The following B3GNT3 variants were observed in gnomAD, a reference collection of about 807,000 sequenced individuals.
B3GNT3 encodes the protein N-acetyllactosaminide beta-1,3-N-acetylglucosaminyltransferase 3.
B3GNT3 carries 7 observed loss-of-function variants against 11.6 expected under a neutral mutation model. The ratio of observed to expected loss-of-function variants is 0.60; its 90% CI spans 0.34 to 1.13. The LOEUF (loss-of-function observed/expected upper bound fraction) is 1.13, where lower values mean the gene tolerates loss of function less well. B3GNT3 is among the 50% of genes most tolerant of loss of function. The pLI is 0.03. For synonymous variants in B3GNT3, 201 were observed against 222.1 expected (o/e 0.90, Z 0.85); for missense variants, 400 against 507.4 (o/e 0.79, Z 2.03).
intron 1 of B3GNT3, among the ~76,000 whole-genome samples, chr19:17,801,077 C>G (rs1187023506): frequency 6.6e-6 from 1 of 152,082 alleles, no homozygotes; most frequent in Admixed American, 6.6e-5. Context: ...CAACTTGCAA[C>G]TTTTCATTAT....
chr19:17,803,491 G>T (rs759651639), intron 1 of B3GNT3, among the ~76,000 whole-genome samples: 1 of 152,134 alleles, frequency 6.6e-6, no homozygotes, highest in Non-Finnish European at 1.5e-5. Flanking sequence ...TGGCAAAATC[G>T]CACTGGCACG....
Position 17,812,523 on chromosome 19 carries a change from G to T in B3GNT3, c.*401G>T, listed in dbSNP as rs373426878. 2.5e-4 allele frequency: 47 copies of T among 187,310 alleles called. No homozygotes were observed. The highest frequency in any genetic ancestry group is 1.0e-3 in the African/African-American group (44 of 42,296). 11.6% of individuals were successfully genotyped at this position (187,310 alleles called of 1,614,324 possible). On this transcript the variant is annotated 3_prime_UTR_variant, in exon 3 of 3. Transcript: ENST00000318683. ...TAATGGCAGATAAGCTCCGTCTGCAGTTCCAGGCCAGCCAGAAACTCCTGT... is the reference window on the plus strand; with the variant it reads ...TAATGGCAGATAAGCTCCGTCTGCATTTCCAGGCCAGCCAGAAACTCCTGT...
At chr19:17,802,106 A>G (rs1259053928) in intron 1 of B3GNT3, among the ~76,000 whole-genome samples, 2 of 150,224 alleles carry the variant, frequency 1.3e-5, no homozygotes, top group African/African-American at 4.9e-5. Context: ...AAAAAAAATC[A>G]TTGTAGAGAC....
intron 1 of B3GNT3, among the ~76,000 whole-genome samples, chr19:17,800,852 T>A (rs1001053891): frequency 2.6e-5 from 4 of 151,672 alleles, no homozygotes; most frequent in African/African-American, 7.3e-5. Flanking sequence ...CTGTAATCCC[T>A]GCTACTCAGG....
At position 17,808,106 on chromosome 19, in the gene B3GNT3, C is replaced by G. The variant is rs182226982; in HGVS notation, c.299C>G (p.Pro100Arg). Residue 100 changes from proline (P) to arginine (R), a missense_variant, in exon 2 of 3, where the codon CCC becomes CGC. Transcript: ENST00000318683. ...TTTCCCCTGCTGCAGGACGTGCCCC[C>G]CTCTAAGTGCGCGCAGCCGGTCTTC... ...RHFPLLQDVP[P>R]SKCAQPVFLL... The G allele has an allele frequency of 1.1e-5, 17 of 1,613,904 alleles. No homozygotes were observed. Among genetic ancestry groups the G allele is most frequent in the East Asian group, 2.2e-5 (1 of 44,862 alleles).
At chr19:17,806,201 G>C (rs1175713709) in intron 1 of B3GNT3, among the ~76,000 whole-genome samples, 1 of 147,326 alleles carries the variant, frequency 6.8e-6, no homozygotes, top group Non-Finnish European at 1.5e-5. Context: ...GGCTGCTGTT[G>C]AACTCCTGAC....
intron 1 of B3GNT3, among the ~76,000 whole-genome samples, chr19:17,798,168 G>A (rs368202689): frequency 6.6e-6 from 1 of 152,198 alleles, no homozygotes; most frequent in South Asian, 2.1e-4. Flanking sequence ...CACCCCTAGA[G>A]GTTGCACTCC....
chr19:17,807,963 A>ACG lies in B3GNT3; in HGVS notation c.157_158insGC (p.Pro53ArgfsTer61). The ACG allele has an allele frequency of 1.2e-5, 15 of 1,223,126 alleles. No individual in the cohort carries two copies. Among genetic ancestry groups the ACG allele is most frequent in the Non-Finnish European group, 1.7e-5 (15 of 866,316 alleles). The allele number at this position is 1,223,126 out of a possible 1,614,324, so 75.8% of individuals were successfully genotyped here. A position where few individuals can be genotyped will look rare whatever the true frequency, so the allele number is the denominator to read the frequency against. ...CCGAGGCCCTGGCCTGGCCCACTCC[A>ACG]CCCACCCGCCCAGCCCCGGCCCCGT... On this transcript the variant is annotated frameshift_variant, in exon 2 of 3. Transcript: ENST00000318683. LOFTEE classifies it high-confidence loss of function.
chr19:17,799,601 G>A (rs1346929181), intron 1 of B3GNT3, among the ~76,000 whole-genome samples: 2 of 151,858 alleles, frequency 1.3e-5, no homozygotes, highest in Non-Finnish European at 2.9e-5. Flanking sequence ...GGATGCTAAG[G>A]TCTGGGTGGC....
chr19:17,800,171 T>C (rs1233966684), intron 1 of B3GNT3, among the ~76,000 whole-genome samples: 1 of 152,038 alleles, frequency 6.6e-6, no homozygotes, highest in Non-Finnish European at 1.5e-5. Flanking sequence ...GGTCAGGAGT[T>C]CGAGACCAGC....
At chr19:17,798,278 C>G (rs970756157) in intron 1 of B3GNT3, among the ~76,000 whole-genome samples, 1 of 152,186 alleles carries the variant, frequency 6.6e-6, no homozygotes, top group Middle Eastern at 3.2e-3. Flanking sequence ...TGGCTGTGTC[C>G]TCGGAACCTA....
chr19:17,802,266 C>G lies in B3GNT3; in HGVS notation c.-50-5492C>G, dbSNP rs73923207. On this transcript the variant is annotated intron_variant, in intron 1 of 2. Transcript: ENST00000318683. ...CTTACTAGTCTCCCAAGCTATAAAT[C>G]TGTCTTCTGAGGCAGAACGTGTGCG... Among the ~76,000 whole-genome samples, 609 of 152,252 alleles carry G rather than the reference C, an allele frequency of 4.0e-3. 1 individual carries two copies. Among genetic ancestry groups the G allele is most frequent in the African/African-American group, 0.014 (580 of 41,542 alleles).
At position 17,811,298 on chromosome 19, in the gene B3GNT3, T is replaced by A. The variant is rs2094180356; in HGVS notation, c.568-273T>A. Among the ~76,000 whole-genome samples, 3 of 152,210 alleles carry A rather than the reference T, an allele frequency of 2.0e-5. No individual in the cohort carries two copies. The highest frequency in any genetic ancestry group is 1.3e-4 in the Admixed American group (2 of 15,262). On this transcript the variant is annotated intron_variant, in intron 2 of 2. Transcript: ENST00000318683. This position sits in a 1 kb window ranked among gnomAD's most constrained non-coding sequence, Gnocchi z 4.1. The stretch of plus-strand genomic sequence containing the variant: ...TGGAAGGAATAGCAATACATGTAAA[T>A]GTAACAATTTTCCAGCATTTCTTGG...
At position 17,811,765 on chromosome 19, in the gene B3GNT3, G is replaced by A. The variant is rs1199281467; in HGVS notation, c.762G>A (p.Val254=). 6.2e-7 allele frequency: 1 copy of A among 1,614,230 alleles called. No individual in the cohort carries two copies. Among genetic ancestry groups the A allele is most frequent in the South Asian group, 1.1e-5 (1 of 91,082 alleles). The part of the protein sequence containing the change: ...PIRAFWSKYY[V]PEVVTQNERY... The stretch of plus-strand genomic sequence containing the variant: ...GGGCTTTTTGGAGCAAGTACTATGT[G>A]CCAGAGGTGGTGACTCAGAATGAGC... The change falls in exon 3 of 3, where the codon GTG becomes GTA. Residue 254 remains valine, a synonymous_variant. Transcript: ENST00000318683. The surrounding 1 kb of genome is among the most constrained non-coding windows in gnomAD (Gnocchi z 4.1).
intron 1 of B3GNT3, among the ~76,000 whole-genome samples, chr19:17,806,464 T>C (rs988531196): frequency 1.3e-5 from 2 of 152,140 alleles, no homozygotes; most frequent in Admixed American, 6.6e-5. Flanking sequence ...ATTGGACTCA[T>C]GCACGTTCAC....
rs1021745517 is a variant in B3GNT3 at position 17,811,044 on chromosome 19, TAA to T, written c.568-515_568-514del. 1.4e-5 allele frequency among the ~76,000 whole-genome samples: 2 copies of T among 144,168 alleles called. No individual in the cohort carries two copies. Among genetic ancestry groups the T allele is most frequent in the Non-Finnish European group, 1.5e-5 (1 of 65,482 alleles). The allele number at this position is 144,168 out of a possible 152,430, so 94.6% of individuals were successfully genotyped here. A position where few individuals can be genotyped will look rare whatever the true frequency, so the allele number is the denominator to read the frequency against. ...CGTAGCATAGCAAGATCCCATCTCT[TAA>T]AAAAAAAAAAATTATTAGCCAGGAG... is the stretch of plus-strand genomic sequence containing the variant. On this transcript the variant is annotated intron_variant, in intron 2 of 2. Coordinates refer to ENST00000318683, the MANE Select transcript of B3GNT3 (RefSeq NM_014256.4). This position sits in a 1 kb window ranked among gnomAD's most constrained non-coding sequence, Gnocchi z 4.1.
In B3GNT3 at chr19:17,807,963, A is replaced by ACCCCCCCCCCCCC; in HGVS notation, c.159_160insCCCCCCCCCCCCC (p.Thr54ProfsTer53). On this transcript the variant is annotated frameshift_variant, in exon 2 of 3. Coordinates refer to ENST00000318683, the MANE Select transcript of B3GNT3 (RefSeq NM_014256.4). LOFTEE classifies it high-confidence loss of function. Reference sequence around the variant, plus strand: ...CCGAGGCCCTGGCCTGGCCCACTCCACCCACCCGCCCAGCCCCGGCCCCGT... The same window carrying ACCCCCCCCCCCCC: ...CCGAGGCCCTGGCCTGGCCCACTCCACCCCCCCCCCCCCCCCACCCGCCCAGCCCCGGCCCCGT... 2 of 1,223,222 alleles carry ACCCCCCCCCCCCC rather than the reference A, an allele frequency of 1.6e-6. No homozygotes were observed. Among genetic ancestry groups the ACCCCCCCCCCCCC allele is most frequent in the Non-Finnish European group, 2.3e-6 (2 of 866,404 alleles). The allele number at this position is 1,223,222 out of a possible 1,614,324, so 75.8% of individuals were successfully genotyped here. A position where few individuals can be genotyped will look rare whatever the true frequency, so the allele number is the denominator to read the frequency against.
chr19:17,798,624 T>C (rs1304016213), intron 1 of B3GNT3, among the ~76,000 whole-genome samples: 7 of 151,314 alleles, frequency 4.6e-5, no homozygotes, highest in African/African-American at 1.2e-4. Context: ...TGAGCCAAGA[T>C]AGCACCACTG....
intron 1 of B3GNT3, among the ~76,000 whole-genome samples, chr19:17,804,594 G>A (rs1457512978): frequency 7.4e-6 from 1 of 135,594 alleles, no homozygotes; most frequent in African/African-American, 2.8e-5. Flanking sequence ...CTGGAGTGCA[G>A]TGGTGTGATC....
Sources: allele counts gnomAD v4.1 joint callset (sites outside exome capture counted in the v4.1 genomes callset), GRCh38; gene constraint gnomAD v4.1.1; non-coding constraint Gnocchi (gnomAD v3.1); transcripts MANE v1.5; gene names NCBI Gene and HGNC (gene_info 2026-07-23, HGNC 2026-07-21).